CCDC171: variants seen among roughly 807,000 people sequenced by gnomAD.
CCDC171 encodes coiled-coil domain-containing protein 171.
A neutral mutation model predicts 168.2 loss-of-function variants in CCDC171; 177 were observed. That is an observed-to-expected ratio of 1.05 (90% CI 0.93 to 1.19). The LOEUF (loss-of-function observed/expected upper bound fraction) is 1.19, where lower values mean the gene tolerates loss of function less well. Among genes scored for constraint, CCDC171 ranks in the 50% most tolerant of loss-of-function variants. The pLI, the probability that CCDC171 is intolerant of heterozygous loss-of-function variation, is 0.00. For synonymous variants in CCDC171, 687 were observed against 540.8 expected, an observed-to-expected ratio of 1.27 and a Z score of -3.75; for missense variants, 1,991 against 1,539.0, an observed-to-expected ratio of 1.29 and a Z score of -4.91.
At chr9:16,047,370 C>G (rs1044032122) in intron 1 of CCDC171, among the ~76,000 whole-genome samples, 1 of 152,262 alleles carries the variant, frequency 6.6e-6, no homozygotes, top group African/African-American at 2.4e-5. Context: ...CTTTCACCCA[C>G]CCCTGCCTAA....
upstream of CCDC171, among the ~76,000 whole-genome samples, chr9:16,041,719 G>A (rs182286548): frequency 5.9e-5 from 9 of 152,248 alleles, no homozygotes; most frequent in East Asian, 1.3e-3. Context: ...TGGTGATTTC[G>A]TAAATGAGAA....
chr9:15,821,067 C>G lies in CCDC171; in HGVS notation c.3268-25635C>G. Among the ~76,000 whole-genome samples, 2 of 117,442 alleles carry G rather than the reference C, an allele frequency of 1.7e-5. 1 individual carries two copies. The highest frequency in any genetic ancestry group is 3.8e-5 in the Non-Finnish European group (2 of 52,376). The allele number at this position is 117,442 out of a possible 152,430, so 77.0% of individuals were successfully genotyped here. A position where few individuals can be genotyped will look rare whatever the true frequency, so the allele number is the denominator to read the frequency against. ...CAATAAACATAATCCAGCATATAAA[C>G]AGACCCAAAGACAAAAATCACATGA... On this transcript the variant is annotated intron_variant, in intron 21 of 25. Coordinates refer to ENST00000380701, the MANE Select transcript of CCDC171 (RefSeq NM_173550.4).
At chr9:15,593,493 A>T (rs908816754) in intron 5 of CCDC171, among the ~76,000 whole-genome samples, 1 of 152,110 alleles carries the variant, frequency 6.6e-6, no homozygotes, top group Non-Finnish European at 1.5e-5. Context: ...AATTTTTAAC[A>T]TTCTAGAGTT....
chr9:15,702,525 C>G lies in CCDC171; in HGVS notation c.1318+7188C>G, dbSNP rs1453724144. Reference sequence around the variant, plus strand: ...TTTTTCAATGGCAAATGAGCATTGGCTTCAACTTAAAGTCACCAGCCACAT... The same window carrying G: ...TTTTTCAATGGCAAATGAGCATTGGGTTCAACTTAAAGTCACCAGCCACAT... On this transcript the variant is annotated intron_variant, in intron 11 of 25. Transcript: ENST00000380701. Among the ~76,000 whole-genome samples the G allele has an allele frequency of 2.5e-4, 38 of 152,034 alleles. 1 individual carries two copies. Among genetic ancestry groups the G allele is most frequent in the Non-Finnish European group, 3.2e-4 (22 of 68,004 alleles).
chr9:16,102,778 C>T, the CCDC171 span, among the ~76,000 whole-genome samples: 1 of 152,184 alleles, frequency 6.6e-6, no homozygotes, highest in Non-Finnish European at 1.5e-5. Context: ...CCGGAGGAAA[C>T]TCTTAGGTGT....
chr9:15,553,342 G>A (rs1044159663), intron 1 of CCDC171, 40 bp downstream of exon 1: 23 of 152,570 alleles, frequency 1.5e-4, no homozygotes, highest in Admixed American at 1.4e-3. Flanking sequence ...GGACGACTTG[G>A]GAGGGAGGTG....
chr9:15,625,458 T>C (rs1417582293), intron 7 of CCDC171, among the ~76,000 whole-genome samples: 1 of 152,228 alleles, frequency 6.6e-6, no homozygotes, highest in Non-Finnish European at 1.5e-5. Context: ...AGGTCTAACA[T>C]TTAAGTCTTT....
chr9:15,777,985 G>C (rs773340732), intron 19 of CCDC171, among the ~76,000 whole-genome samples, 159 bp downstream of exon 19: 13 of 152,162 alleles, frequency 8.5e-5, no homozygotes, highest in Non-Finnish European at 1.5e-4. Context: ...TTCCAAATAA[G>C]TGTCCAAAAT....
chr9:15,576,282 C>G (rs577962687), intron 3 of CCDC171, among the ~76,000 whole-genome samples: 5 of 151,892 alleles, frequency 3.3e-5, no homozygotes, highest in African/African-American at 7.2e-5. Flanking sequence ...CTCCTGGGCT[C>G]AAGTGATTTT....
At chr9:15,989,835 A>C (rs1418001981) in intron 3 of CCDC171, among the ~76,000 whole-genome samples, 2 of 152,188 alleles carry the variant, frequency 1.3e-5, no homozygotes, top group African/African-American at 4.8e-5. Flanking sequence ...TCAGTGATTG[A>C]AGATCAAATG....
intron 18 of CCDC171, among the ~76,000 whole-genome samples, chr9:15,769,652 G>T (rs1381295641): frequency 2.0e-5 from 3 of 152,166 alleles, no homozygotes; most frequent in Non-Finnish European, 4.4e-5. Flanking sequence ...AATCATGAGA[G>T]TCATCACTTA....
intron 16 of CCDC171, among the ~76,000 whole-genome samples, chr9:15,743,266 A>G (rs1232600202): frequency 2.7e-5 from 4 of 147,258 alleles, no homozygotes; most frequent in Non-Finnish European, 4.4e-5. Context: ...CCTGGATTCA[A>G]TTGATTCTCT....
chr9:15,920,641 A>G (rs911478896), intron 25 of CCDC171, among the ~76,000 whole-genome samples: 5 of 151,736 alleles, frequency 3.3e-5, no homozygotes, highest in African/African-American at 1.2e-4. Context: ...TATTGTTATC[A>G]ATGCTAAAAC....
At chr9:15,965,433 C>A (rs1050448972) in intron 25 of CCDC171, among the ~76,000 whole-genome samples, 1 of 152,160 alleles carries the variant, frequency 6.6e-6, no homozygotes, top group Non-Finnish European at 1.5e-5. Flanking sequence ...ATAGGAGAGT[C>A]AGAGGAACCA....
chr9:15,753,074 G>A (rs16933544), intron 18 of CCDC171, among the ~76,000 whole-genome samples: 2,569 of 152,134 alleles, frequency 0.017, 90 homozygotes, highest in South Asian at 0.12. Context: ...TTGGTCTGAC[G>A]CTAATACGCA....
chr9:15,595,744 G>A (rs201452188), intron 6 of CCDC171, among the ~76,000 whole-genome samples: 1 of 151,802 alleles, frequency 6.6e-6, no homozygotes, highest in Non-Finnish European at 1.5e-5. Context: ...CAATGATTGA[G>A]CTAGTTTACA....
chr9:15,560,317 G>C (rs1016944791), intron 1 of CCDC171, among the ~76,000 whole-genome samples: 1 of 152,174 alleles, frequency 6.6e-6, no homozygotes, highest in Non-Finnish European at 1.5e-5. Flanking sequence ...ATATCCTGAA[G>C]GGTGTTTTCC....
intron 11 of CCDC171, among the ~76,000 whole-genome samples, chr9:15,700,182 C>T (rs886102216): frequency 1.3e-5 from 2 of 152,214 alleles, no homozygotes; most frequent in African/African-American, 4.8e-5. Context: ...CTGAGCCCTG[C>T]CCCACGGGAA....
chr9:15,635,838 A>G (rs1160253425), intron 7 of CCDC171, among the ~76,000 whole-genome samples: 8 of 152,292 alleles, frequency 5.3e-5, no homozygotes, highest in Middle Eastern at 3.4e-3. Context: ...CATGGTAACT[A>G]TATGGTTAAC....
Sources: allele counts gnomAD v4.1 joint callset (sites outside exome capture counted in the v4.1 genomes callset), GRCh38; gene constraint gnomAD v4.1.1; transcripts MANE v1.5; gene names NCBI Gene and HGNC (gene_info 2026-07-23, HGNC 2026-07-21).